Variants in SUGP1 observed in about 807,000 individuals in gnomAD.
SUGP1 encodes SURP and G-patch domain containing 1, also known as SURP and G-patch domain-containing protein 1.
A neutral mutation model predicts 76.5 loss-of-function variants in SUGP1; 34 were observed. The observed-to-expected ratio is 0.44, with a 90% CI of 0.34 to 0.59. SUGP1 has a LOEUF of 0.59. SUGP1 is among the 20% of genes least tolerant of loss of function. SUGP1 has a pLI of 0.01. For synonymous variants in SUGP1, 326 were observed against 326.2 expected (o/e 1.00, Z 0.01); for missense variants, 752 against 851.7 (o/e 0.88, Z 1.46).
chr19:19,305,650 C>T (rs1215435481), intron 4 of SUGP1, 199 bp downstream of exon 4: 2 of 531,980 alleles, frequency 3.8e-6, no homozygotes, highest in Non-Finnish European at 6.6e-6. Flanking sequence ...CGCTGATGCC[C>T]AGCAACACCC....
At chr19:19,303,998 C>G in intron 4 of SUGP1, 151 bp from the exon 5 acceptor site, 1 of 1,594,140 alleles carries the variant, frequency 6.3e-7, no homozygotes, top group East Asian at 2.2e-5. Flanking sequence ...AGGCACAAAA[C>G]ACCATGACGA....
chr19:19,289,318 A>G (rs1266628373), intron 8 of SUGP1, among the ~76,000 whole-genome samples: 1 of 151,740 alleles, frequency 6.6e-6, no homozygotes, highest in African/African-American at 2.4e-5. Flanking sequence ...GGTGTCATAC[A>G]GGGCCGGGCA....
rs769929058 is a variant in SUGP1, at chr19:19,303,814, A to T, written c.572T>A (p.Val191Glu). The T allele has an allele frequency of 8.8e-5, 142 of 1,613,814 alleles. No homozygotes were observed. The highest frequency in any genetic ancestry group is 1.2e-4 in the Non-Finnish European group (138 of 1,180,010). Residue 191 changes from valine (V) to glutamate (E), a missense_variant, in exon 5 of 14, where the codon GTG (valine) becomes GAG (glutamate). Val to Glu is a moderately radical substitution (Grantham distance 121). Transcript: ENST00000247001. Reference protein sequence around the residue: ...SPPEGAETRKVIEKLARFVAE... With the variant: ...SPPEGAETRKEIEKLARFVAE... ...CACAAAGCGGGCCAATTTCTCTATC[A>T]CTTTCCGAGTCTCGGCTCCCTCTGG... is the stretch of plus-strand genomic sequence containing the variant.
intron 4 of SUGP1, among the ~76,000 whole-genome samples, chr19:19,304,469 G>A (rs1419041759): frequency 1.3e-5 from 2 of 152,164 alleles, no homozygotes; most frequent in Non-Finnish European, 2.9e-5. Flanking sequence ...CGGTTTCCAT[G>A]AGAAACTGCA....
chr19:19,284,753 TAAG>T (rs1487538013), intron 8 of SUGP1, among the ~76,000 whole-genome samples: 5 of 152,160 alleles, frequency 3.3e-5, no homozygotes, highest in African/African-American at 1.2e-4. Flanking sequence ...GGTTTGGCTT[TAAG>T]AAGATGTCAG....
intron 8 of SUGP1, chr19:19,280,496 T>G: frequency 1.8e-6 from 1 of 567,708 alleles, no homozygotes; most frequent in Non-Finnish European, 3.2e-6. Context: ...TCTTACGTCC[T>G]TGTGACCTCT....
chr19:19,289,334 GCTCA>G (rs774159706), intron 8 of SUGP1, among the ~76,000 whole-genome samples: 1 of 151,394 alleles, frequency 6.6e-6, no homozygotes, highest in Non-Finnish European at 1.5e-5. Context: ...GGGCATGGTG[GCTCA>G]CACCTGTAAT....
Position 19,277,054 on chromosome 19 carries a change from C to T in SUGP1, c.1804G>A (p.Ala602Thr), listed in dbSNP as rs747446537. The change falls in exon 13 of 14, where the codon GCT (alanine) becomes ACT (threonine). Residue 602 changes from alanine (A) to threonine (T), a missense_variant. Ala to Thr is a moderately conservative substitution (Grantham distance 58). This residue lies in a region of SUGP1 where 132 missense variants were observed against 234.4 expected (regional missense o/e 0.56). Coordinates refer to ENST00000247001, the MANE Select transcript of SUGP1 (RefSeq NM_172231.4). Reference protein sequence around the residue: ...VNKGTTTVDGAGFGIDRPAEL... With the variant: ...VNKGTTTVDGTGFGIDRPAEL... Reference sequence around the variant, plus strand: ...GCCGGCCGGTCAATGCCGAAGCCAGCGCCGTCCACTGTGGTGGTGCCCCTA... The same window carrying T: ...GCCGGCCGGTCAATGCCGAAGCCAGTGCCGTCCACTGTGGTGGTGCCCCTA... The T allele has an allele frequency of 8.7e-6, 14 of 1,611,424 alleles. No individual in the cohort carries two copies. Among genetic ancestry groups the T allele is most frequent in the African/African-American group, 8.0e-5 (6 of 74,918 alleles).
intron 3 of SUGP1, among the ~76,000 whole-genome samples, chr19:19,308,869 ATTT>A (rs34260128): frequency 6.8e-6 from 1 of 147,598 alleles, no homozygotes; most frequent in African/African-American, 2.5e-5. Context: ...CCCCTTGGTA[ATTT>A]TTTTTTTTTT....
intron 6 of SUGP1, 45 bp from the exon 7 acceptor site, chr19:19,302,433 C>A (rs201291009): frequency 1.3e-6 from 2 of 1,596,734 alleles, no homozygotes; most frequent in African/African-American, 1.3e-5. Context: ...CCACACCCAA[C>A]AGCCTAATTT....
chr19:19,291,889 T>TCACACA (rs541521385), intron 8 of SUGP1, among the ~76,000 whole-genome samples: 17,072 of 128,312 alleles, frequency 0.13, 1,199 homozygotes, highest in Non-Finnish European at 0.15. Context: ...TGAGACTCTG[T>TCACACA]CACACACACA....
intron 7 of SUGP1, 133 bp from the exon 8 acceptor site, chr19:19,297,477 C>G (rs538836889): frequency 7.0e-6 from 4 of 575,094 alleles, no homozygotes; most frequent in Non-Finnish European, 1.1e-5. Flanking sequence ...TAGTCACGGT[C>G]TCCACCATGA....
At chr19:19,285,014 C>G (rs576612253) in intron 8 of SUGP1, among the ~76,000 whole-genome samples, 3,055 of 151,228 alleles carry the variant, frequency 0.02, 109 homozygotes, top group African/African-American at 0.072. Flanking sequence ...ACTACAGGCG[C>G]CCGCCACCGT....
chr19:19,318,421 T>G (rs2061411221), intron 1 of SUGP1, among the ~76,000 whole-genome samples: 1 of 151,076 alleles, frequency 6.6e-6, no homozygotes, highest in African/African-American at 2.4e-5. Context: ...CACCCAGCCG[T>G]TTTTTTTGTT....
intron 8 of SUGP1, among the ~76,000 whole-genome samples, chr19:19,285,319 C>T (rs2061131524): frequency 6.6e-6 from 1 of 152,138 alleles, no homozygotes; most frequent in African/African-American, 2.4e-5. Flanking sequence ...GAGCCTGCCA[C>T]TACACACAGC....
At chr19:19,298,673 G>A (rs2086887769) in intron 7 of SUGP1, among the ~76,000 whole-genome samples, 1 of 152,172 alleles carries the variant, frequency 6.6e-6, no homozygotes, top group South Asian at 2.1e-4. Flanking sequence ...GACCCAGTGA[G>A]GAACATATGC....
At chr19:19,281,249 T>G (rs1312905349) in intron 8 of SUGP1, 1 of 152,232 alleles carries the variant, frequency 6.6e-6, no homozygotes, top group Non-Finnish European at 1.5e-5. Flanking sequence ...TCAGTGGGAC[T>G]TGAACCTGGG....
At chr19:19,312,443 C>T (rs2061359165) in intron 2 of SUGP1, among the ~76,000 whole-genome samples, 2 of 152,174 alleles carry the variant, frequency 1.3e-5, no homozygotes, top group African/African-American at 2.4e-5. Context: ...TCCTCACATA[C>T]GCTGCTTTTT....
chr19:19,316,525 G>A lies in SUGP1; in HGVS notation c.103C>T (p.Gln35Ter). 1 of 1,613,844 alleles carries A rather than the reference G, an allele frequency of 6.2e-7. No homozygotes were observed. Among genetic ancestry groups the A allele is most frequent in the Non-Finnish European group, 8.5e-7 (1 of 1,180,016 alleles). The change falls in exon 2 of 14, where the codon CAG becomes TAG. Residue 35 changes from glutamine (Q) to a stop codon, truncating the protein, a stop_gained. Coordinates refer to ENST00000247001, the MANE Select transcript of SUGP1 (RefSeq NM_172231.4). LOFTEE classifies it high-confidence loss of function. ...SGKMNMNILH[Q>*]EELIAQKKRE... ...TTCTTCTGAGCGATGAGCTCTTCCTGGTGAAGGATGTTCATGTTCATTTTT... is the reference window on the plus strand; with the variant it reads ...TTCTTCTGAGCGATGAGCTCTTCCTAGTGAAGGATGTTCATGTTCATTTTT...
Sources: allele counts gnomAD v4.1 joint callset (sites outside exome capture counted in the v4.1 genomes callset), GRCh38; gene constraint gnomAD v4.1.1; regional missense constraint gnomAD v4.1.1; transcripts MANE v1.5; gene names NCBI Gene and HGNC (gene_info 2026-07-23, HGNC 2026-07-21).